ROBO2: variants seen among roughly 807,000 people sequenced by gnomAD.
The protein encoded by ROBO2 is roundabout homolog 2.
A neutral mutation model predicts 160.8 loss-of-function variants in ROBO2; 53 were observed. The observed-to-expected ratio is 0.33, with a 90% CI of 0.26 to 0.41. The LOEUF is 0.41. Among genes scored for constraint, ROBO2 ranks in the 10% least tolerant of loss-of-function variants. ROBO2 has a pLI of 1.00. For synonymous variants in ROBO2, 664 were observed against 611.7 expected, an observed-to-expected ratio of 1.09 and a Z score of -1.26; for missense variants, 1,577 against 1,722.4, an observed-to-expected ratio of 0.92 and a Z score of 1.49.
intron 2 of ROBO2, among the ~76,000 whole-genome samples, chr3:76,910,745 GA>G (rs1217583722): frequency 8.8e-5 from 5 of 56,506 alleles, no homozygotes; most frequent in South Asian, 5.8e-4. Context: ...AAAAAAAAAA[GA>G]AAAAAAAAGA....
chr3:76,884,707 T>C (rs772421694), intron 2 of ROBO2, among the ~76,000 whole-genome samples: 2 of 152,220 alleles, frequency 1.3e-5, no homozygotes, highest in Non-Finnish European at 2.9e-5. Context: ...GTTTTCCCAA[T>C]ACTTTCCTAT....
intron 2 of ROBO2, among the ~76,000 whole-genome samples, chr3:76,832,774 T>G (rs1384251381): frequency 6.6e-6 from 1 of 152,172 alleles, no homozygotes; most frequent in Non-Finnish European, 1.5e-5. Flanking sequence ...GATGGCCTCT[T>G]TGCAGAAATA....
At position 76,865,625 on chromosome 3, in the gene ROBO2, C is replaced by T. The variant is rs552522586; in HGVS notation, c.110-232389C>T. Among the ~76,000 whole-genome samples, 71 of 152,232 alleles carry T rather than the reference C, an allele frequency of 4.7e-4. No homozygotes were observed. In the Middle Eastern group the frequency reaches 0.01, roughly 22 times the overall value. ...GTCATAACCAGATTTGTTACACTGA[C>T]CTCACCATTTATTCCAGATTACCAA... is the stretch of plus-strand genomic sequence containing the variant. On this transcript the variant is annotated intron_variant, in intron 2 of 26. Transcript: ENST00000487694.
chr3:76,811,494 GGTTTTAAATGTCGT>G (rs1280809007), intron 2 of ROBO2, among the ~76,000 whole-genome samples: 2 of 152,026 alleles, frequency 1.3e-5, no homozygotes, highest in African/African-American at 4.8e-5. Context: ...CATTAGATTT[GGTTTTAAATGTCGT>G]GTTTTAAATG....
chr3:76,754,740 G>A (rs1413522015), intron 2 of ROBO2, among the ~76,000 whole-genome samples: 1 of 151,808 alleles, frequency 6.6e-6, no homozygotes, highest in African/African-American at 2.4e-5. Flanking sequence ...ACTTGAGATA[G>A]CTGAATTTGA....
rs542654351 is a variant in ROBO2, at chr3:76,126,869, T to A, written c.109+189267T>A. Among the ~76,000 whole-genome samples, 7 of 152,262 alleles carry A rather than the reference T, an allele frequency of 4.6e-5. No individual in the cohort carries two copies. In the South Asian group the frequency reaches 1.0e-3, roughly 23 times the overall value. ...ACCTGGAATGGTTGAAGCATATTAA[T>A]TTCTATTAATTTGATTTCATTAATT... is the stretch of plus-strand genomic sequence containing the variant. On this transcript the variant is annotated intron_variant, in intron 2 of 26. Coordinates refer to the ROBO2 transcript ENST00000487694.
At chr3:77,333,087 T>G (rs1277118373) in intron 2 of ROBO2, among the ~76,000 whole-genome samples, 5 of 152,200 alleles carry the variant, frequency 3.3e-5, no homozygotes, top group Non-Finnish European at 7.4e-5. Context: ...TCTGTCTCCC[T>G]AAAAAGAATT....
chr3:75,909,607 A>T (rs1203932611), intron 1 of ROBO2, among the ~76,000 whole-genome samples: 2 of 152,180 alleles, frequency 1.3e-5, no homozygotes, highest in Non-Finnish European at 2.9e-5. Flanking sequence ...TCCTGACATT[A>T]AAAGGATGAC....
chr3:77,465,006 A>G (rs1447164637), intron 2 of ROBO2, among the ~76,000 whole-genome samples: 1 of 152,116 alleles, frequency 6.6e-6, no homozygotes, highest in East Asian at 1.9e-4. Context: ...AAATTATCCC[A>G]TTTGCCAACT....
intron 2 of ROBO2, among the ~76,000 whole-genome samples, chr3:76,460,434 A>G (rs1264684167): frequency 1.3e-5 from 2 of 152,180 alleles, no homozygotes; most frequent in African/African-American, 2.4e-5. Flanking sequence ...TAGAATATAG[A>G]CAAGTGGTGC....
chr3:76,474,298 T>G (rs2107157735), intron 2 of ROBO2, among the ~76,000 whole-genome samples: 1 of 152,224 alleles, frequency 6.6e-6, no homozygotes, highest in Non-Finnish European at 1.5e-5. Context: ...GAGTTCTAGA[T>G]TTATCTTAGT....
At chr3:76,582,200 T>G (rs971652931) in intron 2 of ROBO2, among the ~76,000 whole-genome samples, 1 of 152,162 alleles carries the variant, frequency 6.6e-6, no homozygotes, top group African/African-American at 2.4e-5. Flanking sequence ...AATCCAAAAC[T>G]GCTCATCTCC....
At chr3:77,540,374 A>C (rs142670761) in intron 6 of ROBO2, among the ~76,000 whole-genome samples, 1 of 152,302 alleles carries the variant, frequency 6.6e-6, no homozygotes, top group East Asian at 1.9e-4. Flanking sequence ...TTCGAACGGA[A>C]CCAAATGAAT....
At chr3:76,001,540 G>A (rs1488383207) in intron 2 of ROBO2, among the ~76,000 whole-genome samples, 1 of 151,410 alleles carries the variant, frequency 6.6e-6, no homozygotes, top group African/African-American at 2.4e-5. Flanking sequence ...ATGTGTGTAT[G>A]TGTGTGTGTG....
At chr3:76,084,716 T>C (rs1399342868) in intron 2 of ROBO2, among the ~76,000 whole-genome samples, 2 of 152,124 alleles carry the variant, frequency 1.3e-5, no homozygotes, top group Non-Finnish European at 2.9e-5. Context: ...TAAATTATGG[T>C]GTTTACATTT....
chr3:77,399,569 G>C (rs530280108), intron 2 of ROBO2, among the ~76,000 whole-genome samples: 1 of 152,026 alleles, frequency 6.6e-6, no homozygotes, highest in Non-Finnish European at 1.5e-5. Context: ...TGTTTTTTGA[G>C]GATGGAATGG....
At chr3:77,240,616 CCACCAGCA>C (rs2088895640) in intron 2 of ROBO2, among the ~76,000 whole-genome samples, 1 of 152,216 alleles carries the variant, frequency 6.6e-6, no homozygotes, top group Admixed American at 6.5e-5. Flanking sequence ...TGAGCAAGGG[CCACCAGCA>C]CGTTGTCACC....
intron 2 of ROBO2, among the ~76,000 whole-genome samples, chr3:76,517,181 A>T (rs149723709): frequency 1.3e-4 from 20 of 152,256 alleles, no homozygotes; most frequent in African/African-American, 4.8e-4. Flanking sequence ...ATGTGAATAT[A>T]TATTTCAGTG....
intron 2 of ROBO2, among the ~76,000 whole-genome samples, chr3:77,242,457 C>T (rs1042059826): frequency 4.6e-5 from 7 of 152,068 alleles, no homozygotes; most frequent in Admixed American, 6.5e-5. Flanking sequence ...AAGAAAGAAG[C>T]AAACATTCTC....
Sources: allele counts gnomAD v4.1 joint callset (sites outside exome capture counted in the v4.1 genomes callset), GRCh38; gene constraint gnomAD v4.1.1; transcripts MANE v1.5; gene names NCBI Gene and HGNC (gene_info 2026-07-23, HGNC 2026-07-21).